The following PCDH15 variants were observed in gnomAD, a reference collection of about 807,000 sequenced individuals.
The protein encoded by PCDH15 is protocadherin related 15.
PCDH15 carries 129 observed loss-of-function variants against 178.5 expected under a neutral mutation model. The observed-to-expected ratio is 0.72, with a 90% CI of 0.63 to 0.84. The LOEUF (loss-of-function observed/expected upper bound fraction) is 0.84. Among genes scored for constraint, PCDH15 ranks in the 40% least tolerant of loss-of-function variants. The pLI is 0.00. For synonymous variants in PCDH15, 800 were observed against 732.0 expected, an observed-to-expected ratio of 1.09 and a Z score of -1.50; for missense variants, 2,230 against 2,099.9, an observed-to-expected ratio of 1.06 and a Z score of -1.21.
chr10:55,147,483 T>C (rs922316877), intron 2 of PCDH15, among the ~76,000 whole-genome samples: 8 of 151,482 alleles, frequency 5.3e-5, no homozygotes, highest in Non-Finnish European at 1.0e-4. Context: ...AATGAAAATA[T>C]TTTGCACGTA....
chr10:55,614,289 C>T (rs1020224302), intron 2 of PCDH15, among the ~76,000 whole-genome samples: 2 of 152,048 alleles, frequency 1.3e-5, no homozygotes, highest in African/African-American at 4.8e-5. Context: ...ATACTCATCT[C>T]TAAAATAGAG....
At chr10:53,822,009 T>C in intron 32 of PCDH15, 2 of 1,613,996 alleles carry the variant, frequency 1.2e-6, no homozygotes, top group African/African-American at 2.7e-5. Context: ...GCGTAGATAG[T>C]TTTTTTCTAT....
chr10:54,902,343 G>A (rs1480117134), intron 2 of PCDH15, among the ~76,000 whole-genome samples: 3 of 152,136 alleles, frequency 2.0e-5, no homozygotes, highest in Non-Finnish European at 2.9e-5. Context: ...CAATGCTGGG[G>A]GAGGAGGCTG....
intron 2 of PCDH15, among the ~76,000 whole-genome samples, chr10:55,110,945 A>C (rs1342220209): frequency 2.0e-5 from 3 of 152,122 alleles, no homozygotes; most frequent in African/African-American, 7.2e-5. Context: ...ATCAGTTTAT[A>C]TCCTCTATCT....
intron 13 of PCDH15, among the ~76,000 whole-genome samples, chr10:54,158,193 A>G (rs929558148): frequency 1.3e-5 from 2 of 152,172 alleles, no homozygotes; most frequent in Non-Finnish European, 2.9e-5. Context: ...TGTATTAGTT[A>G]ATTTTCACAT....
At chr10:54,938,928 T>C (rs1837981867) in intron 2 of PCDH15, among the ~76,000 whole-genome samples, 1 of 152,176 alleles carries the variant, frequency 6.6e-6, no homozygotes, top group African/African-American at 2.4e-5. Context: ...ATCTAGATTC[T>C]GGGAAGGTTA....
intron 2 of PCDH15, among the ~76,000 whole-genome samples, chr10:55,157,830 A>G (rs1838934228): frequency 6.6e-6 from 1 of 151,990 alleles, no homozygotes; most frequent in African/African-American, 2.4e-5. Context: ...GGGGAGGGAT[A>G]GCATTAGGAG....
intron 2 of PCDH15, among the ~76,000 whole-genome samples, chr10:54,982,260 A>T (rs891399166): frequency 6.6e-6 from 1 of 152,188 alleles, no homozygotes; most frequent in African/African-American, 2.4e-5. Context: ...GCTAGAGGCA[A>T]TATAGACACA....
At chr10:54,482,599 G>C (rs1359482462) in intron 3 of PCDH15, among the ~76,000 whole-genome samples, 1 of 151,758 alleles carries the variant, frequency 6.6e-6, no homozygotes, top group Non-Finnish European at 1.5e-5. Context: ...TTCAGGAAAA[G>C]AAGGTACCAG....
chr10:54,252,652 G>A lies in PCDH15; in HGVS notation c.877-15721C>T, dbSNP rs556120061. Reference sequence around the variant, plus strand: ...CTCTTCTCCACAACTTATTCATTATGTAAATATATCTTTCTAAATATCAAC... The same window carrying A: ...CTCTTCTCCACAACTTATTCATTATATAAATATATCTTTCTAAATATCAAC... On this transcript the variant is annotated intron_variant, in intron 8 of 37. Coordinates refer to ENST00000644397, the MANE Select transcript of PCDH15 (RefSeq NM_001384140.1). Among the ~76,000 whole-genome samples the A allele has an allele frequency of 1.4e-3, 213 of 152,194 alleles. 1 individual carries two copies. The highest frequency in any genetic ancestry group is 5.0e-3 in the African/African-American group (207 of 41,544).
chr10:53,938,778 T>C (rs2134052702), intron 25 of PCDH15, 37 bp downstream of exon 25: 8 of 1,603,818 alleles, frequency 5.0e-6, no homozygotes, highest in South Asian at 2.2e-5. Context: ...AGAGACACCA[T>C]ACAATTCTGG....
chr10:55,104,834 G>A (rs1486079536), intron 2 of PCDH15, among the ~76,000 whole-genome samples: 1 of 152,148 alleles, frequency 6.6e-6, no homozygotes, highest in Non-Finnish European at 1.5e-5. Flanking sequence ...TTATGATACT[G>A]CACTAAACAT....
intron 3 of PCDH15, among the ~76,000 whole-genome samples, chr10:54,396,401 G>A (rs1048597847): frequency 6.6e-6 from 1 of 152,050 alleles, no homozygotes; most frequent in African/African-American, 2.4e-5. Context: ...TGAAATACAC[G>A]TCAATAAACT....
At chr10:55,625,526 G>A (rs1217802910) in intron 2 of PCDH15, among the ~76,000 whole-genome samples, 2 of 152,092 alleles carry the variant, frequency 1.3e-5, no homozygotes, top group African/African-American at 4.8e-5. Flanking sequence ...TTGTGTGTTA[G>A]GAGTTGTAAA....
chr10:54,029,497 G>T (rs768935600), intron 18 of PCDH15, among the ~76,000 whole-genome samples: 3 of 152,096 alleles, frequency 2.0e-5, no homozygotes, highest in Non-Finnish European at 4.4e-5. Context: ...AATGCATATT[G>T]CTGGGAAATT....
At chr10:55,329,311 G>A (rs371541952) in intron 2 of PCDH15, among the ~76,000 whole-genome samples, 2 of 151,446 alleles carry the variant, frequency 1.3e-5, no homozygotes, top group African/African-American at 4.8e-5. Flanking sequence ...TGTATTGTGA[G>A]TACATTGTTA....
At chr10:55,049,824 TA>T (rs1478371797) in intron 2 of PCDH15, among the ~76,000 whole-genome samples, 1 of 152,086 alleles carries the variant, frequency 6.6e-6, no homozygotes, top group Non-Finnish European at 1.5e-5. Context: ...ATGAGTTGTA[TA>T]ACTATTTTGC....
intron 3 of PCDH15, among the ~76,000 whole-genome samples, chr10:54,463,493 C>A (rs532802208): frequency 6.6e-6 from 1 of 152,252 alleles, no homozygotes; most frequent in South Asian, 2.1e-4. Context: ...GCCTCAGAAA[C>A]TTTGCACTAA....
At chr10:54,117,509 TC>T (rs2132804708) in intron 15 of PCDH15, among the ~76,000 whole-genome samples, 1 of 152,286 alleles carries the variant, frequency 6.6e-6, no homozygotes, top group Admixed American at 6.5e-5. Flanking sequence ...CCTGTTTCCG[TC>T]CTGTTTGTGT....
Sources: gnomAD v4.1 joint callset for allele counts (sites outside exome capture counted in the v4.1 genomes callset) on GRCh38, gnomAD v4.1.1 for gene constraint, MANE v1.5 for transcripts, NCBI Gene and HGNC (gene_info 2026-07-23, HGNC 2026-07-21) for gene names.